The following TRIM9 variants were observed in gnomAD, a reference collection of about 807,000 sequenced individuals.
The protein encoded by TRIM9 is E3 ubiquitin-protein ligase TRIM9.
A neutral mutation model predicts 78.3 loss-of-function variants in TRIM9; 26 were observed. That is an observed-to-expected ratio of 0.33 (90% CI 0.24 to 0.46). The LOEUF is 0.46. Ranked by LOEUF, TRIM9 falls within the 20% of genes least tolerant of loss-of-function variation. The probability of loss-of-function intolerance (pLI) is 1.00; values close to 1 mark genes in which losing one functional copy is unlikely to be tolerated. For missense variants in TRIM9, 787 were observed against 1,036.4 expected (o/e 0.76, Z 3.30); for synonymous variants, 398 against 416.5 (o/e 0.96, Z 0.54).
In TRIM9 at chr14:51,094,541, G is replaced by A. The variant is rs1235912974; in HGVS notation, c.399C>T (p.Arg133=). 3 of 1,613,214 alleles carry A rather than the reference G, an allele frequency of 1.9e-6. No homozygotes were observed. In the African/African-American group the frequency reaches 4.0e-5, roughly 22 times the overall value. Residue 133 remains arginine (R), a synonymous_variant, in exon 1 of 13, where the codon CGC becomes CGT. Coordinates refer to ENST00000684578, the MANE Select transcript of TRIM9 (RefSeq NM_001387360.1). ...NSCITCPQCH[R]SLILDDRGLR... ...GCCCCCGGTCATCCAGGATGAGGCT[G>A]CGGTGACACTGGGGGCAGGTGATAC...
chr14:51,002,281 C>T (rs999676419), intron 5 of TRIM9, among the ~76,000 whole-genome samples: 1 of 132,172 alleles, frequency 7.6e-6, no homozygotes, highest in African/African-American at 2.6e-5. Context: ...GCCACCACGG[C>T]TGGCTGATTT....
At chr14:50,999,030 G>A (rs1000525940) in intron 6 of TRIM9, among the ~76,000 whole-genome samples, 1 of 152,162 alleles carries the variant, frequency 6.6e-6, no homozygotes, top group East Asian at 1.9e-4. Context: ...CTCATTCAGT[G>A]CTTCTCAAAC....
In TRIM9 at chr14:51,094,612, C is replaced by T. The variant is rs1407520404; in HGVS notation, c.328G>A (p.Ala110Thr). The T allele has an allele frequency of 6.2e-7, 1 of 1,609,066 alleles. No individual in the cohort carries two copies. The highest frequency in any genetic ancestry group is 1.1e-5 in the South Asian group (1 of 90,912). ...GCCAGGGCCGGTGACAAGTGGGTGG[C>T]CGGTGGCGGCATAGCCGGGGGAAAC... The part of the protein sequence containing the change: ...RVFPPAMPPP[A>T]THLSPALAPV... The change falls in exon 1 of 13, where the codon GCC becomes ACC. Residue 110 changes from alanine (A) to threonine (T), a missense_variant. Physicochemically the swap from Ala to Thr is moderately conservative, Grantham distance 58. This residue lies in a region of TRIM9 where 352 missense variants were observed against 472.3 expected (regional missense o/e 0.75). Coordinates refer to ENST00000684578, the MANE Select transcript of TRIM9 (RefSeq NM_001387360.1).
intron 5 of TRIM9, among the ~76,000 whole-genome samples, chr14:51,006,971 A>G (rs1236666458): frequency 1.3e-5 from 2 of 152,006 alleles, no homozygotes; most frequent in Non-Finnish European, 2.9e-5. Flanking sequence ...GGGCCTGTTC[A>G]CTCCAGCTCA....
chr14:50,978,026 C>G (rs2051292311), intron 12 of TRIM9, among the ~76,000 whole-genome samples: 1 of 151,954 alleles, frequency 6.6e-6, no homozygotes, highest in South Asian at 2.1e-4. Flanking sequence ...ATGTGAAAAA[C>G]CTTGAATGGG....
chr14:51,004,242 C>G (rs2055464361), intron 5 of TRIM9, among the ~76,000 whole-genome samples: 1 of 152,172 alleles, frequency 6.6e-6, no homozygotes, highest in Non-Finnish European at 1.5e-5. Flanking sequence ...CCTGTAAAAT[C>G]AAGCTTTAGG....
Position 51,094,756 on chromosome 14 carries a change from A to C in TRIM9, c.184T>G (p.Tyr62Asp). ...AGGCTCATCTTGTCCAGGTCCAGAT[A>C]GTCATAGTCGGAGACCCCGGAGCCC... ...AAGSGVSDYD[Y>D]LDLDKMSLYS... Residue 62 changes from tyrosine (Y) to aspartate (D), a missense_variant, in exon 1 of 13, where the codon TAT becomes GAT. Coordinates refer to ENST00000684578, the MANE Select transcript of TRIM9 (RefSeq NM_001387360.1). The C allele has an allele frequency of 6.5e-7, 1 of 1,530,016 alleles. No homozygotes were observed. Among genetic ancestry groups the C allele is most frequent in the Non-Finnish European group, 8.8e-7 (1 of 1,140,004 alleles). The allele number at this position is 1,530,016 out of a possible 1,614,324, so 94.8% of individuals were successfully genotyped here. A position where few individuals can be genotyped will look rare whatever the true frequency, so the allele number is the denominator to read the frequency against.
At chr14:51,038,070 G>A (rs1257234519) in intron 1 of TRIM9, among the ~76,000 whole-genome samples, 2 of 152,058 alleles carry the variant, frequency 1.3e-5, no homozygotes, top group African/African-American at 4.8e-5. Context: ...CCCCAGAACC[G>A]GTGATTTTGC....
Position 51,070,498 on chromosome 14 carries a change from T to C in TRIM9, c.822+23620A>G, listed in dbSNP as rs1352501922. On this transcript the variant is annotated intron_variant, in intron 1 of 12. Coordinates refer to ENST00000684578, the MANE Select transcript of TRIM9 (RefSeq NM_001387360.1). ...ATTCATTATCTAAAATGCCTGGGAC[T>C]GACTGGAAGTGTTTCAGATTTTTTT... 2.6e-5 allele frequency among the ~76,000 whole-genome samples: 4 copies of C among 151,122 alleles called. No homozygotes were observed. The East Asian group carries it at 7.7e-4, about 29-fold the overall frequency.
chr14:50,998,262 G>T, intron 6 of TRIM9, 74 bp from the exon 7 acceptor site: 1 of 1,433,308 alleles, frequency 7.0e-7, no homozygotes, highest in Non-Finnish European at 9.7e-7. Flanking sequence ...GTGTCGCTCA[G>T]TGGTTAGGAG....
chr14:51,085,400 T>A (rs1424249949), intron 1 of TRIM9, among the ~76,000 whole-genome samples: 1 of 151,096 alleles, frequency 6.6e-6, no homozygotes, highest in East Asian at 1.9e-4. Flanking sequence ...ACTGTTAGTA[T>A]AAAACACGCA....
At chr14:50,983,455 A>G (rs2052261062) in intron 8 of TRIM9, 34 bp from the exon 9 acceptor site, 2 of 1,506,322 alleles carry the variant, frequency 1.3e-6, no homozygotes, top group African/African-American at 2.8e-5. Context: ...ACGCTATGAA[A>G]CAACAACCAG....
chr14:51,005,173 T>C (rs1445186085), intron 5 of TRIM9, among the ~76,000 whole-genome samples: 1 of 152,226 alleles, frequency 6.6e-6, no homozygotes, highest in Non-Finnish European at 1.5e-5. Flanking sequence ...ACAGATTACA[T>C]GCAAGTGTGT....
intron 9 of TRIM9, 37 bp from the exon 10 acceptor site, chr14:50,983,002 G>C: frequency 6.5e-7 from 1 of 1,544,268 alleles, no homozygotes; most frequent in Non-Finnish European, 8.8e-7. Context: ...GGGGGAGAGA[G>C]ATAGGAAGCA....
intron 1 of TRIM9, among the ~76,000 whole-genome samples, chr14:51,080,668 T>C (rs1266856942): frequency 6.6e-6 from 1 of 152,226 alleles, no homozygotes; most frequent in African/African-American, 2.4e-5. Context: ...CATTTATAAC[T>C]CTCAACTGTA....
At position 51,000,673 on chromosome 14, in the gene TRIM9, G is replaced by C. The variant is rs2054861389; in HGVS notation, c.1464+10C>G. On this transcript the variant is annotated intron_variant, in intron 6 of 12. Coordinates refer to ENST00000684578, the MANE Select transcript of TRIM9 (RefSeq NM_001387360.1). ...TGGGTTAACAAGTACGTAGTGGGCT[G>C]TCTACTGACCCGGAATTGACCACCG... 6.2e-7 allele frequency: 1 copy of C among 1,613,986 alleles called. No homozygotes were observed. Among genetic ancestry groups the C allele is most frequent in the Non-Finnish European group, 8.5e-7 (1 of 1,179,886 alleles).
intron 1 of TRIM9, among the ~76,000 whole-genome samples, chr14:51,037,253 G>A (rs1412129122): frequency 4.6e-5 from 7 of 152,098 alleles, no homozygotes; most frequent in Admixed American, 3.9e-4. Flanking sequence ...TTAATACAGA[G>A]AGCCACTTTA....
chr14:51,017,093 T>G (rs1236423864), intron 3 of TRIM9, among the ~76,000 whole-genome samples: 1 of 152,208 alleles, frequency 6.6e-6, no homozygotes, highest in Non-Finnish European at 1.5e-5. Context: ...AATTCTCTTG[T>G]TTTTTCCAAG....
chr14:50,997,365 C>A (rs12883270), intron 7 of TRIM9: 137,473 of 985,118 alleles, frequency 0.14, 9,992 homozygotes, highest in African/African-American at 0.23. Flanking sequence ...TGGTGGCTCT[C>A]GGTAGCCTAG....
Sources: allele counts gnomAD v4.1 joint callset (sites outside exome capture counted in the v4.1 genomes callset), GRCh38; gene constraint gnomAD v4.1.1; regional missense constraint gnomAD v4.1.1; transcripts MANE v1.5; gene names NCBI Gene and HGNC (gene_info 2026-07-23, HGNC 2026-07-21).